Variants in STXBP4 observed in about 807,000 individuals in gnomAD.
The protein encoded by STXBP4 is syntaxin-binding protein 4.
STXBP4 carries 55 observed loss-of-function variants against 76.1 expected under a neutral mutation model. That is an observed-to-expected ratio of 0.72 (90% CI 0.58 to 0.91). The LOEUF is 0.91. STXBP4 is among the 40% of genes least tolerant of loss of function. STXBP4 has a pLI of 0.00. For missense variants in STXBP4, 618 were observed against 636.9 expected, an observed-to-expected ratio of 0.97 and a Z score of 0.32; for synonymous variants, 201 against 220.2, an observed-to-expected ratio of 0.91 and a Z score of 0.77.
intron 7 of STXBP4, among the ~76,000 whole-genome samples, chr17:55,004,131 T>C (rs1340486465): frequency 2.0e-5 from 3 of 151,226 alleles, no homozygotes; most frequent in Non-Finnish European, 4.4e-5. Flanking sequence ...TGCAGTGAGC[T>C]GAGATTATGC....
At chr17:55,088,374 A>G (rs2079365994) in intron 16 of STXBP4, among the ~76,000 whole-genome samples, 1 of 152,194 alleles carries the variant, frequency 6.6e-6, no homozygotes, top group South Asian at 2.1e-4. Context: ...GAAGGATAAG[A>G]TTTATTGGCT....
the STXBP4 span, among the ~76,000 whole-genome samples, chr17:55,186,253 C>A: frequency 1.3e-5 from 2 of 152,124 alleles, no homozygotes; most frequent in African/African-American, 4.8e-5. Flanking sequence ...ACCCATCCTG[C>A]AGTGCATAAA....
intron 12 of STXBP4, among the ~76,000 whole-genome samples, chr17:55,051,392 A>G (rs1481965054): frequency 6.6e-6 from 1 of 152,180 alleles, no homozygotes; most frequent in East Asian, 1.9e-4. Flanking sequence ...GTGTTTTGTC[A>G]GGATGGAATT....
At chr17:54,994,398 CCAAA>C (rs764596741) in intron 4 of STXBP4, among the ~76,000 whole-genome samples, 1 of 152,194 alleles carries the variant, frequency 6.6e-6, no homozygotes. Flanking sequence ...TCAACTCTTC[CCAAA>C]CAGAGTCTCT....
chr17:55,059,159 A>G (rs2078966780), intron 12 of STXBP4, among the ~76,000 whole-genome samples: 1 of 152,150 alleles, frequency 6.6e-6, no homozygotes, highest in Admixed American at 6.6e-5. Flanking sequence ...AAAAATAAAT[A>G]TAGCCTAATA....
chr17:55,192,607 C>G, the STXBP4 span, among the ~76,000 whole-genome samples: 1 of 152,196 alleles, frequency 6.6e-6, no homozygotes, highest in Non-Finnish European at 1.5e-5. Flanking sequence ...AGAAATCACT[C>G]TTTCCAAGAT....
intron 8 of STXBP4, among the ~76,000 whole-genome samples, chr17:55,010,597 C>T (rs2078091656): frequency 6.6e-6 from 1 of 151,962 alleles, no homozygotes; most frequent in Non-Finnish European, 1.5e-5. Flanking sequence ...CAATTTATTG[C>T]TTGGCTTGAA....
At chr17:55,043,652 C>T (rs938759324) in intron 11 of STXBP4, 68 of 1,549,342 alleles carry the variant, frequency 4.4e-5, no homozygotes, top group Admixed American at 2.2e-4. Flanking sequence ...TAAAGCAAGT[C>T]GTGGCAATTT....
intron 8 of STXBP4, among the ~76,000 whole-genome samples, chr17:55,017,905 C>T (rs955212776): frequency 6.6e-6 from 1 of 152,152 alleles, no homozygotes; most frequent in African/African-American, 2.4e-5. Context: ...CAGTATTTTC[C>T]TCCAATTCTA....
Position 54,999,471 on chromosome 17 carries a change from G to A in STXBP4, c.287+20G>A. 6.3e-7 allele frequency: 1 copy of A among 1,579,114 alleles called. No homozygotes were observed. The highest frequency in any genetic ancestry group is 1.8e-5 in the Admixed American group (1 of 56,464). On this transcript the variant is annotated intron_variant, in intron 5 of 17. Coordinates refer to ENST00000376352, the MANE Select transcript of STXBP4 (RefSeq NM_178509.6). The stretch of plus-strand genomic sequence containing the variant: ...GTTGAGGTAACTATACTATCCATGA[G>A]ATAGAATGAGTCATTTAGAATGTCT...
chr17:55,088,451 A>G (rs2144952221), intron 16 of STXBP4, among the ~76,000 whole-genome samples: 1 of 152,282 alleles, frequency 6.6e-6, no homozygotes, highest in East Asian at 1.9e-4. Context: ...GCTGGAGTAC[A>G]ATGATGTGAT....
At chr17:55,184,903 C>T in the STXBP4 span, among the ~76,000 whole-genome samples, 2 of 152,120 alleles carry the variant, frequency 1.3e-5, no homozygotes, top group Admixed American at 6.5e-5. Flanking sequence ...GATGGGGTCT[C>T]GCTCTGTCAC....
At chr17:55,078,611 A>C in intron 14 of STXBP4, 75 bp from the exon 15 acceptor site, 1 of 941,266 alleles carries the variant, frequency 1.1e-6, no homozygotes, top group Non-Finnish European at 1.7e-6. Context: ...GAGGTTATAA[A>C]TATTAATGAA....
intron 16 of STXBP4, among the ~76,000 whole-genome samples, chr17:55,125,817 T>C (rs182296933): frequency 6.6e-6 from 1 of 152,148 alleles, no homozygotes; most frequent in Admixed American, 6.6e-5. Flanking sequence ...GTAAAACTGA[T>C]AACTTGCAGT....
At chr17:55,055,547 A>C (rs76427579) in intron 12 of STXBP4, among the ~76,000 whole-genome samples, 10 of 152,168 alleles carry the variant, frequency 6.6e-5, no homozygotes, top group Non-Finnish European at 1.3e-4. Context: ...CAAAGCAGCC[A>C]GAAATATTGT....
chr17:55,151,007 A>G (rs1294147763), intron 17 of STXBP4, among the ~76,000 whole-genome samples: 4 of 152,204 alleles, frequency 2.6e-5, no homozygotes, highest in Non-Finnish European at 5.9e-5. Flanking sequence ...TGGAAGCAGA[A>G]TTTAGGATAT....
rs556245888 is a variant in STXBP4 at position 54,968,809 on chromosome 17, A to G, written c.-163A>G. 64 of 716,372 alleles carry G rather than the reference A, an allele frequency of 8.9e-5. No individual in the cohort carries two copies. Among genetic ancestry groups the G allele is most frequent in the African/African-American group, 7.6e-4 (43 of 56,408 alleles). 44.4% of individuals were successfully genotyped at this position (716,372 alleles called of 1,614,324 possible). A position where few individuals can be genotyped will look rare whatever the true frequency, so the allele number is the denominator to read the frequency against. ...CGGGCTACGGAGGCCGGGTTGCCAG[A>G]TTACGGGTAAGTTTGCGTTTTGCTT... On this transcript the variant is annotated 5_prime_UTR_variant, in exon 1 of 18. Coordinates refer to ENST00000376352, the MANE Select transcript of STXBP4 (RefSeq NM_178509.6).
chr17:54,992,465 G>A (rs1437062372), intron 4 of STXBP4, among the ~76,000 whole-genome samples: 1 of 150,938 alleles, frequency 6.6e-6, no homozygotes, highest in East Asian at 1.9e-4. Context: ...TAAATTTTTG[G>A]CTATTAAATT....
intron 17 of STXBP4, 102 bp downstream of exon 17, chr17:55,141,469 T>G: frequency 2.2e-6 from 2 of 923,038 alleles, no homozygotes; most frequent in Non-Finnish European, 3.2e-6. Flanking sequence ...TTCTTGGAGG[T>G]TACAAAAATT....
Sources: gnomAD v4.1 joint callset for allele counts (sites outside exome capture counted in the v4.1 genomes callset) on GRCh38, gnomAD v4.1.1 for gene constraint, MANE v1.5 for transcripts, NCBI Gene and HGNC (gene_info 2026-07-23, HGNC 2026-07-21) for gene names.